NDUFAF6: variants seen among roughly 807,000 people sequenced by gnomAD.
NDUFAF6 encodes NADH:ubiquinone oxidoreductase complex assembly factor 6.
In NDUFAF6, 45 loss-of-function variants were observed where a neutral mutation model predicts 40.8. The observed-to-expected ratio is 1.10, with a 90% CI of 0.87 to 1.42. NDUFAF6 has a LOEUF of 1.42. Among genes scored for constraint, NDUFAF6 ranks in the 40% most tolerant of loss-of-function variants. The pLI, the probability that NDUFAF6 is intolerant of heterozygous loss-of-function variation, is 0.00. For synonymous variants in NDUFAF6, 185 were observed against 155.9 expected, an observed-to-expected ratio of 1.19 and a Z score of -1.39; for missense variants, 435 against 418.5, an observed-to-expected ratio of 1.04 and a Z score of -0.34.
At chr8:94,921,176 C>T (rs2131268188) in intron 1 of NDUFAF6, among the ~76,000 whole-genome samples, 1 of 152,360 alleles carries the variant, frequency 6.6e-6, no homozygotes, top group Non-Finnish European at 1.5e-5. Context: ...TATGGCAAGT[C>T]ATCTCCCCTT....
chr8:94,999,408 T>C (rs183855329), intron 2 of NDUFAF6, among the ~76,000 whole-genome samples: 1,527 of 146,142 alleles, frequency 0.01, 28 homozygotes, highest in African/African-American at 0.037. Flanking sequence ...AGGCGTGAGC[T>C]GCCACACCCA....
At chr8:95,084,508 T>C (rs188380404) in intron 2 of NDUFAF6, among the ~76,000 whole-genome samples, 113 of 152,348 alleles carry the variant, frequency 7.4e-4, no homozygotes, top group African/African-American at 2.6e-3. Context: ...ATATTGTTTT[T>C]TGCATCCTTA....
At chr8:94,970,194 G>T (rs1450059583) in intron 1 of NDUFAF6, among the ~76,000 whole-genome samples, 15 of 144,810 alleles carry the variant, frequency 1.0e-4, no homozygotes, top group Middle Eastern at 3.8e-3. Flanking sequence ...GGTAGAGGTT[G>T]CAGTGAGCCG....
intron 9 of NDUFAF6, among the ~76,000 whole-genome samples, chr8:95,075,251 A>C (rs764135636): frequency 6.6e-6 from 1 of 152,236 alleles, no homozygotes; most frequent in African/African-American, 2.4e-5. Flanking sequence ...AGACGTGACA[A>C]ATGACTTTCA....
chr8:95,046,046 A>G (rs1018030841), intron 5 of NDUFAF6, among the ~76,000 whole-genome samples: 4 of 148,372 alleles, frequency 2.7e-5, no homozygotes, highest in Non-Finnish European at 5.9e-5. Context: ...ATTTTATTTT[A>G]TTTTATTTTA....
chr8:94,974,220 G>GTTTT (rs573760921), intron 1 of NDUFAF6, among the ~76,000 whole-genome samples: 2 of 140,302 alleles, frequency 1.4e-5, no homozygotes, highest in African/African-American at 5.3e-5. Context: ...AGCCAAATCT[G>GTTTT]TTTTTTTTTT....
At chr8:95,032,170 T>C in intron 2 of NDUFAF6, 76 bp downstream of exon 2, 1 of 1,241,844 alleles carries the variant, frequency 8.1e-7, no homozygotes, top group African/African-American at 1.5e-5. Flanking sequence ...AATAAAGAAA[T>C]ATAGTTGTAA....
chr8:94,968,367 A>C (rs2131517284), intron 1 of NDUFAF6, among the ~76,000 whole-genome samples: 1 of 152,318 alleles, frequency 6.6e-6, no homozygotes, highest in East Asian at 1.9e-4. Flanking sequence ...ATCATATGTC[A>C]GGGGTGATAA....
At chr8:95,056,905 C>G (rs796133095) in intron 8 of NDUFAF6, among the ~76,000 whole-genome samples, 1 of 141,074 alleles carries the variant, frequency 7.1e-6, no homozygotes, top group East Asian at 2.0e-4. Flanking sequence ...GACTCTGTCT[C>G]AAAAAAAAAA....
intron 1 of NDUFAF6, among the ~76,000 whole-genome samples, chr8:94,961,295 A>G (rs1586816130): frequency 1.3e-5 from 2 of 152,230 alleles, no homozygotes; most frequent in African/African-American, 2.4e-5. Context: ...CATTCATTCA[A>G]TAAGAACTTT....
At chr8:95,039,605 T>C (rs1380043687) in intron 3 of NDUFAF6, among the ~76,000 whole-genome samples, 3 of 151,898 alleles carry the variant, frequency 2.0e-5, no homozygotes, top group Non-Finnish European at 2.9e-5. Flanking sequence ...GTGATACTTA[T>C]AATCAGGACA....
chr8:95,062,779 G>A (rs1042140231), downstream of NDUFAF6, among the ~76,000 whole-genome samples: 1 of 152,152 alleles, frequency 6.6e-6, no homozygotes, highest in Non-Finnish European at 1.5e-5. Flanking sequence ...GTAAGACAAT[G>A]TTTTATTTGT....
At chr8:94,985,145 T>G (rs533870943) in intron 2 of NDUFAF6, among the ~76,000 whole-genome samples, 2 of 152,022 alleles carry the variant, frequency 1.3e-5, no homozygotes, top group African/African-American at 4.8e-5. Context: ...ATTTTCTCCC[T>G]AATCAAAAAA....
At chr8:95,062,078 GCA>G (rs1413671026), downstream of NDUFAF6, among the ~76,000 whole-genome samples, 6 of 151,812 alleles carry the variant, frequency 4.0e-5, no homozygotes, top group Non-Finnish European at 8.8e-5. Flanking sequence ...GATTGTTTGA[GCA>G]CAGGAGGTGG....
chr8:95,105,062 CACACAGAGAGAGAGAG>C (rs757814697), downstream of NDUFAF6, among the ~76,000 whole-genome samples: 3,765 of 64,932 alleles, frequency 0.058, 66 homozygotes, highest in Middle Eastern at 0.16. Flanking sequence ...CACACACACA[CACACAGAGAGAGAGAG>C]AGAGAGAGAG....
At chr8:94,909,822 AC>A (rs1818657317) in intron 1 of NDUFAF6, among the ~76,000 whole-genome samples, 1 of 150,854 alleles carries the variant, frequency 6.6e-6, no homozygotes, top group Non-Finnish European at 1.5e-5. Flanking sequence ...ATACACACAC[AC>A]ACACACATAT....
At chr8:94,931,579 ATATT>A (rs897770077) in intron 1 of NDUFAF6, among the ~76,000 whole-genome samples, 17 of 101,992 alleles carry the variant, frequency 1.7e-4, no homozygotes, top group African/African-American at 5.7e-4. Context: ...GGAAACACAC[ATATT>A]TATTACACAC....
intron 1 of NDUFAF6, chr8:94,896,759 C>G (rs1196799406): frequency 1.9e-4 from 29 of 152,310 alleles, no homozygotes; most frequent in Admixed American, 1.9e-3. Context: ...CTGCGCCGCT[C>G]GAGCGCGCTT....
intron 1 of NDUFAF6, among the ~76,000 whole-genome samples, chr8:94,896,836 T>C (rs879428615): frequency 2.6e-5 from 4 of 152,224 alleles, no homozygotes; most frequent in Non-Finnish European, 5.9e-5. Context: ...TTCACACTTT[T>C]TCGATTCTTC....
Sources: gnomAD v4.1 joint callset for allele counts (sites outside exome capture counted in the v4.1 genomes callset) on GRCh38, gnomAD v4.1.1 for gene constraint, MANE v1.5 for transcripts, NCBI Gene and HGNC (gene_info 2026-07-23, HGNC 2026-07-21) for gene names.